EEFSEC: variants seen among roughly 807,000 people sequenced by gnomAD.
EEFSEC encodes selenocysteine-specific elongation factor.
A neutral mutation model predicts 42.1 loss-of-function variants in EEFSEC; 43 were observed. The ratio of observed to expected loss-of-function variants is 1.02; its 90% CI spans 0.80 to 1.32. The LOEUF is 1.32. Among genes scored for constraint, EEFSEC ranks in the 40% most tolerant of loss-of-function variants. The pLI is 0.00. For synonymous variants in EEFSEC, 354 were observed against 339.1 expected (o/e 1.04, Z -0.48); for missense variants, 745 against 803.6 (o/e 0.93, Z 0.88).
At chr3:128,388,579 C>T (rs2067870381) in intron 6 of EEFSEC, among the ~76,000 whole-genome samples, 1 of 152,264 alleles carries the variant, frequency 6.6e-6, no homozygotes, top group South Asian at 2.1e-4. Flanking sequence ...CAGTGAGGGA[C>T]TGGCCTGGCC....
intron 4 of EEFSEC, among the ~76,000 whole-genome samples, chr3:128,290,877 C>T (rs553496556): frequency 3.3e-5 from 5 of 152,092 alleles, no homozygotes; most frequent in African/African-American, 7.2e-5. Flanking sequence ...TCCCAAGAAG[C>T]GGGATTACAG....
chr3:128,379,593 T>G (rs987942851), intron 6 of EEFSEC, among the ~76,000 whole-genome samples: 2 of 152,208 alleles, frequency 1.3e-5, no homozygotes, highest in Non-Finnish European at 2.9e-5. Flanking sequence ...CATGGTCCCA[T>G]GTCACACAGG....
intron 1 of EEFSEC, among the ~76,000 whole-genome samples, chr3:128,203,539 G>C (rs1024606496): frequency 6.6e-6 from 1 of 152,214 alleles, no homozygotes; most frequent in African/African-American, 2.4e-5. Context: ...TTAGGTGTGA[G>C]TCCACAGCAC....
chr3:128,281,769 T>C (rs1472994303), intron 4 of EEFSEC, among the ~76,000 whole-genome samples: 1 of 152,072 alleles, frequency 6.6e-6, no homozygotes, highest in Non-Finnish European at 1.5e-5. Flanking sequence ...CACTCAGGGG[T>C]CCTCCTCTGG....
intron 2 of EEFSEC, among the ~76,000 whole-genome samples, chr3:128,254,897 G>A (rs2107914847): frequency 6.6e-6 from 1 of 152,258 alleles, no homozygotes; most frequent in South Asian, 2.1e-4. Flanking sequence ...GCCTGACCCA[G>A]AGTGGAAGCC....
intron 6 of EEFSEC, among the ~76,000 whole-genome samples, chr3:128,379,297 G>A (rs938545224): frequency 6.6e-6 from 1 of 152,154 alleles, no homozygotes; most frequent in Non-Finnish European, 1.5e-5. Context: ...GCCTCCTCCC[G>A]CTTTGGCCAT....
chr3:128,153,750 C>T lies in EEFSEC; in HGVS notation c.243C>T (p.Pro81=). 2.0e-6 allele frequency: 3 copies of T among 1,535,972 alleles called. 1 individual carries two copies. The highest frequency in any genetic ancestry group is 2.8e-5 in the African/African-American group (2 of 70,752). Residue 81 remains proline (P), a synonymous_variant, in exon 1 of 7, where the codon CCC becomes CCT. Transcript: ENST00000254730. ...FQAAPEAEPE[P]GEPLLQVTLV... ...CAGCGCCCGAGGCCGAGCCCGAGCCCGGCGAGCCACTGCTTCAGGTCACGC... is the reference window on the plus strand; with the variant it reads ...CAGCGCCCGAGGCCGAGCCCGAGCCTGGCGAGCCACTGCTTCAGGTCACGC...
rs115713209 is a variant in EEFSEC, at chr3:128,260,482, A to C, written c.525-1646A>C. Among the ~76,000 whole-genome samples, 524 of 152,332 alleles carry C rather than the reference A, an allele frequency of 3.4e-3. 1 individual carries two copies. Among genetic ancestry groups the C allele is most frequent in the African/African-American group, 0.012 (488 of 41,572 alleles). ...ACAATTGCCTCTGATTATTTTCAAC[A>C]AACTCCCCCAGGGAAAAGGCTATTT... On this transcript the variant is annotated intron_variant, in intron 2 of 6. Transcript: ENST00000254730.
At chr3:128,161,980 C>T (rs1055783881) in intron 1 of EEFSEC, among the ~76,000 whole-genome samples, 3 of 152,214 alleles carry the variant, frequency 2.0e-5, no homozygotes, top group African/African-American at 7.2e-5. Context: ...AATGCAAAAG[C>T]AAACAAACCA....
chr3:128,234,579 T>C (rs1295368007), intron 1 of EEFSEC, among the ~76,000 whole-genome samples: 1 of 152,174 alleles, frequency 6.6e-6, no homozygotes, highest in Non-Finnish European at 1.5e-5. Context: ...CCTCCACTGG[T>C]CTTGCAGAAG....
intron 5 of EEFSEC, 135 bp downstream of exon 5, chr3:128,342,024 C>A: frequency 8.0e-7 from 1 of 1,255,626 alleles, no homozygotes; most frequent in Non-Finnish European, 1.1e-6. Flanking sequence ...AGTTTCTGTA[C>A]AAGGCATCTG....
At chr3:128,371,612 A>C (rs559089406) in intron 6 of EEFSEC, among the ~76,000 whole-genome samples, 18 of 152,312 alleles carry the variant, frequency 1.2e-4, no homozygotes, top group African/African-American at 3.8e-4. Context: ...GGGCAAGCCA[A>C]GGCCTGAGGC....
intron 6 of EEFSEC, among the ~76,000 whole-genome samples, chr3:128,402,425 G>A (rs77183300): frequency 1.1e-3 from 172 of 152,312 alleles, no homozygotes; most frequent in African/African-American, 3.9e-3. Context: ...GGGTCTGCTG[G>A]CCTCCCTTGG....
chr3:128,311,139 A>G (rs2066885692), intron 4 of EEFSEC, among the ~76,000 whole-genome samples: 1 of 152,270 alleles, frequency 6.6e-6, no homozygotes, highest in Middle Eastern at 3.2e-3. Flanking sequence ...TGTTTTAGAA[A>G]AGGACTAACC....
intron 4 of EEFSEC, among the ~76,000 whole-genome samples, chr3:128,321,680 G>C (rs1173666821): frequency 6.6e-6 from 1 of 152,192 alleles, no homozygotes; most frequent in Non-Finnish European, 1.5e-5. Flanking sequence ...TTCCACCCAG[G>C]AAGGGCCTTC....
At chr3:128,323,729 C>T (rs1004389334) in intron 4 of EEFSEC, among the ~76,000 whole-genome samples, 1 of 152,184 alleles carries the variant, frequency 6.6e-6, no homozygotes, top group Non-Finnish European at 1.5e-5. Flanking sequence ...GCACTTCCTC[C>T]CCTGAAGGAG....
chr3:128,368,165 C>G (rs1576676916), intron 6 of EEFSEC, among the ~76,000 whole-genome samples: 3 of 152,342 alleles, frequency 2.0e-5, no homozygotes, highest in South Asian at 2.1e-4. Flanking sequence ...AGTGCAGTGG[C>G]TCACACCTGT....
At chr3:128,360,261 A>G (rs2067508019) in intron 6 of EEFSEC, among the ~76,000 whole-genome samples, 1 of 152,214 alleles carries the variant, frequency 6.6e-6, no homozygotes, top group Admixed American at 6.5e-5. Context: ...TGGAGCCCAC[A>G]GGGCCCCTCT....
At chr3:128,342,623 T>G (rs2067268411) in intron 5 of EEFSEC, among the ~76,000 whole-genome samples, 1 of 152,248 alleles carries the variant, frequency 6.6e-6, no homozygotes, top group South Asian at 2.1e-4. Context: ...GATGAGGCCC[T>G]GGCTGTGCCT....
Sources: gnomAD v4.1 joint callset for allele counts (sites outside exome capture counted in the v4.1 genomes callset) on GRCh38, gnomAD v4.1.1 for gene constraint, MANE v1.5 for transcripts, NCBI Gene and HGNC (gene_info 2026-07-23, HGNC 2026-07-21) for gene names.